DOCK3: variants seen among roughly 807,000 people sequenced by gnomAD.
DOCK3 encodes the protein dedicator of cytokinesis 3.
Under a neutral mutation model 265.6 loss-of-function variants are expected in DOCK3, and 60 were observed. The observed-to-expected ratio is 0.23, with a 90% CI of 0.18 to 0.28. The LOEUF (loss-of-function observed/expected upper bound fraction) is 0.28. DOCK3 is among the 10% of genes least tolerant of loss of function. DOCK3 has a pLI of 1.00. For synonymous variants in DOCK3, 881 were observed against 938.0 expected (o/e 0.94, Z 1.11); for missense variants, 1,981 against 2,594.3 (o/e 0.76, Z 5.14).
At chr3:51,349,054 C>A in intron 39 of DOCK3, 116 bp downstream of exon 39, 2 of 976,432 alleles carry the variant, frequency 2.0e-6, no homozygotes, top group Non-Finnish European at 3.1e-6. Context: ...GAAACAAAAG[C>A]CAAGACTCCT....
chr3:50,964,128 A>G (rs567880124), intron 5 of DOCK3, among the ~76,000 whole-genome samples: 15 of 152,352 alleles, frequency 9.8e-5, no homozygotes, highest in Admixed American at 2.0e-4. Context: ...ACTTGCTTCA[A>G]TAGTGGGGAA....
At chr3:51,016,676 T>TTTATATTTCATATAATATGTAAATATATA (rs1491484796) in intron 5 of DOCK3, among the ~76,000 whole-genome samples, 1 of 33,168 alleles carries the variant, frequency 3.0e-5, no homozygotes, top group Non-Finnish European at 5.8e-5. Context: ...ATGATATATA[T>TTTATATTTCATATAATATGTAAATATATA]TTATATATCA....
At chr3:50,723,906 A>G (rs1160015004) in intron 1 of DOCK3, among the ~76,000 whole-genome samples, 2 of 152,250 alleles carry the variant, frequency 1.3e-5, no homozygotes, top group African/African-American at 2.4e-5. Flanking sequence ...CAGAGTTAAC[A>G]GGAAACCTAC....
At chr3:50,873,477 C>G (rs2047535125) in intron 3 of DOCK3, among the ~76,000 whole-genome samples, 1 of 152,152 alleles carries the variant, frequency 6.6e-6, no homozygotes, top group South Asian at 2.1e-4. Flanking sequence ...AGGAAGGGGT[C>G]TGTTGGAGCT....
At chr3:50,753,774 T>G (rs144895972) in intron 1 of DOCK3, among the ~76,000 whole-genome samples, 20 of 152,336 alleles carry the variant, frequency 1.3e-4, no homozygotes, top group African/African-American at 4.8e-4. Flanking sequence ...TATTGCAAAT[T>G]AAAGTACTTC....
chr3:51,230,758 A>G (rs1039489895), intron 19 of DOCK3, among the ~76,000 whole-genome samples: 5 of 152,114 alleles, frequency 3.3e-5, no homozygotes, highest in East Asian at 3.9e-4. Flanking sequence ...CTCGTGATCC[A>G]TCCGCCTTGG....
rs199541470 is a variant in DOCK3 at position 51,380,171 on chromosome 3, T to C, written c.5547T>C (p.Asp1849=). Residue 1849 remains aspartate, a synonymous_variant, in exon 52 of 53, where the codon GAT becomes GAC. Transcript: ENST00000266037. ...ACGCCTTCCACCACCCTCTGGGTGA[T>C]ACCCCCCCAGCCCTCCCTGCCCGGA... The part of the protein sequence containing the change: ...HFDAFHHPLG[D]TPPALPARTL... The C allele has an allele frequency of 4.1e-5, 66 of 1,613,558 alleles. No individual in the cohort carries two copies. The highest frequency in any genetic ancestry group is 6.7e-5 in the African/African-American group (5 of 75,034).
chr3:50,984,344 A>G (rs543613761), intron 5 of DOCK3, among the ~76,000 whole-genome samples: 51 of 152,318 alleles, frequency 3.3e-4, no homozygotes, highest in African/African-American at 7.2e-4. Context: ...GTGTGTTTTC[A>G]TGATGGTACA....
chr3:50,734,188 T>C (rs2038413248), intron 1 of DOCK3, among the ~76,000 whole-genome samples: 1 of 152,138 alleles, frequency 6.6e-6, no homozygotes, highest in South Asian at 2.1e-4. Context: ...ACACAACAAA[T>C]ATGTGTAGTT....
intron 4 of DOCK3, among the ~76,000 whole-genome samples, chr3:50,929,664 T>A (rs999165259): frequency 6.6e-6 from 1 of 152,206 alleles, no homozygotes; most frequent in African/African-American, 2.4e-5. Flanking sequence ...GCTACTACGC[T>A]GAGATATTTA....
At chr3:50,882,800 A>C (rs1449580047) in intron 3 of DOCK3, among the ~76,000 whole-genome samples, 1 of 152,236 alleles carries the variant, frequency 6.6e-6, no homozygotes, top group Non-Finnish European at 1.5e-5. Context: ...TCATGCTGCT[A>C]TAAAGACACA....
At chr3:51,229,244 A>T (rs1576470289) in intron 18 of DOCK3, among the ~76,000 whole-genome samples, 2 of 152,304 alleles carry the variant, frequency 1.3e-5, no homozygotes, top group African/African-American at 4.8e-5. Context: ...TGAGGTCAGG[A>T]GTTCAAGACC....
chr3:50,685,097 T>C (rs2034689010), intron 1 of DOCK3, among the ~76,000 whole-genome samples: 1 of 152,202 alleles, frequency 6.6e-6, no homozygotes, highest in Non-Finnish European at 1.5e-5. Flanking sequence ...TATTGTCTTA[T>C]AATCTACTTT....
intron 1 of DOCK3, among the ~76,000 whole-genome samples, chr3:50,729,327 A>G (rs2038041528): frequency 6.9e-6 from 1 of 144,560 alleles, no homozygotes; most frequent in African/African-American, 2.5e-5. Flanking sequence ...GTCTCCAAAA[A>G]AAAAAAAAGT....
intron 5 of DOCK3, among the ~76,000 whole-genome samples, chr3:51,013,590 A>G (rs909565884): frequency 1.1e-4 from 16 of 152,268 alleles, no homozygotes; most frequent in African/African-American, 3.6e-4. Context: ...GTCAGCCCCT[A>G]TTGGGAGGTG....
intron 5 of DOCK3, among the ~76,000 whole-genome samples, chr3:50,958,747 G>A (rs2076799455): frequency 6.6e-6 from 1 of 152,074 alleles, no homozygotes; most frequent in African/African-American, 2.4e-5. Flanking sequence ...GAAAATCTTT[G>A]CCCTTTTGGA....
intron 10 of DOCK3, among the ~76,000 whole-genome samples, chr3:51,157,538 G>A (rs2085912271): frequency 6.6e-6 from 1 of 152,182 alleles, no homozygotes; most frequent in Admixed American, 6.5e-5. Context: ...ATGCCGCCAT[G>A]CCTGGCCCAC....
intron 1 of DOCK3, among the ~76,000 whole-genome samples, chr3:50,731,471 A>G (rs1251474469): frequency 2.0e-5 from 3 of 152,224 alleles, no homozygotes; most frequent in African/African-American, 7.2e-5. Flanking sequence ...TCGTGGGTGA[A>G]GTTATACATG....
chr3:50,885,900 G>T (rs957656695), intron 3 of DOCK3, among the ~76,000 whole-genome samples: 1 of 152,032 alleles, frequency 6.6e-6, no homozygotes, highest in Non-Finnish European at 1.5e-5. Context: ...GGCAGAGGGG[G>T]TTGCTGTTTG....
Sources: allele counts gnomAD v4.1 joint callset (sites outside exome capture counted in the v4.1 genomes callset), GRCh38; gene constraint gnomAD v4.1.1; transcripts MANE v1.5; gene names NCBI Gene and HGNC (gene_info 2026-07-23, HGNC 2026-07-21).